The following VPS13D variants were observed in gnomAD, a reference collection of about 807,000 sequenced individuals.
The protein encoded by VPS13D is intermembrane lipid transfer protein VPS13D.
VPS13D carries 187 observed loss-of-function variants against 461.9 expected under a neutral mutation model. That is an observed-to-expected ratio of 0.40 (90% CI 0.36 to 0.46). The LOEUF (loss-of-function observed/expected upper bound fraction) is 0.46. VPS13D is among the 20% of genes least tolerant of loss of function. The probability of loss-of-function intolerance (pLI) is 0.60; values close to 1 mark genes in which losing one functional copy is unlikely to be tolerated. For synonymous variants in VPS13D, 1,951 were observed against 1,986.3 expected, an observed-to-expected ratio of 0.98 and a Z score of 0.47; for missense variants, 4,711 against 5,364.9, an observed-to-expected ratio of 0.88 and a Z score of 3.81.
At chr1:12,508,785 A>T in intron 69 of VPS13D, 108 bp from the exon 70 acceptor site, 2 of 1,246,128 alleles carry the variant, frequency 1.6e-6, no homozygotes, top group South Asian at 1.5e-5. Flanking sequence ...TTTGACGTGT[A>T]CATCCCATCC....
chr1:12,278,179 T>A (rs1189083195), intron 19 of VPS13D, 141 bp downstream of exon 19: 7 of 883,200 alleles, frequency 7.9e-6, no homozygotes, highest in Non-Finnish European at 3.3e-6. Flanking sequence ...CAAAGAGTTT[T>A]AATAGAATGC....
intron 5 of VPS13D, among the ~76,000 whole-genome samples, chr1:12,247,388 G>A (rs1446986433): frequency 6.7e-6 from 1 of 150,152 alleles, no homozygotes; most frequent in Non-Finnish European, 1.5e-5. Flanking sequence ...TTGCACTCCA[G>A]CCTGGGCGAC....
intron 39 of VPS13D, 99 bp downstream of exon 39, chr1:12,335,926 A>G (rs542977693): frequency 3.2e-6 from 5 of 1,553,394 alleles, no homozygotes; most frequent in Non-Finnish European, 4.4e-6. Context: ...CTGCGTGGAA[A>G]AACCTACAGG....
intron 65 of VPS13D, among the ~76,000 whole-genome samples, chr1:12,419,864 T>TA (rs1317689607): frequency 6.6e-6 from 1 of 152,208 alleles, no homozygotes; most frequent in East Asian, 1.9e-4. Flanking sequence ...AGAGTATACT[T>TA]ACACAAACCT....
rs2101382979 is a variant in VPS13D, at chr1:12,282,602, C to T, written c.4603-103C>T. 3.5e-6 allele frequency: 4 copies of T among 1,132,724 alleles called. No homozygotes were observed. In the Admixed American group the frequency reaches 6.8e-5, roughly 19 times the overall value. The allele number at this position is 1,132,724 out of a possible 1,614,324, so 70.2% of individuals were successfully genotyped here. A position where few individuals can be genotyped will look rare whatever the true frequency, so the allele number is the denominator to read the frequency against. On this transcript the variant is annotated intron_variant, in intron 20 of 69. Transcript: ENST00000620676. ...ATAGTCTTTGCTATCAGGTAACTTA[C>T]AGCCTCATGTAGGAATCATGTGGCA...
At chr1:12,343,143 GATTTTATTTT>G (rs536446797) in intron 42 of VPS13D, 92 bp downstream of exon 42, 27 of 1,047,142 alleles carry the variant, frequency 2.6e-5, no homozygotes, top group Admixed American at 6.1e-5. Flanking sequence ...CCTTATAAAT[GATTTTATTTT>G]ATTTTATTTT....
intron 22 of VPS13D, among the ~76,000 whole-genome samples, chr1:12,290,673 A>G (rs1453712461): frequency 6.6e-6 from 1 of 151,674 alleles, no homozygotes; most frequent in Admixed American, 6.6e-5. Context: ...CAGTGACCCC[A>G]GATCGCGCCA....
intron 32 of VPS13D, among the ~76,000 whole-genome samples, chr1:12,320,700 T>C (rs1387264483): frequency 6.6e-6 from 1 of 152,182 alleles, no homozygotes; most frequent in African/African-American, 2.4e-5. Flanking sequence ...ATGGAGAATC[T>C]TGCTGATTGA....
In VPS13D at chr1:12,292,190, C is replaced by T. The variant is rs538469825; in HGVS notation, c.5852+1066C>T. 1.0e-3 allele frequency among the ~76,000 whole-genome samples: 134 copies of T among 128,802 alleles called. No homozygotes were observed. The Middle Eastern group carries it at 0.032, about 31-fold the overall frequency. The allele number at this position is 128,802 out of a possible 152,430, so 84.5% of individuals were successfully genotyped here. On this transcript the variant is annotated intron_variant, in intron 23 of 69. Transcript: ENST00000620676. ...AGGAGAATAGCTTGAACCTGGGGGA[C>T]GGAGGTTGCAGTGAGCCGGGATTGT...
intron 5 of VPS13D, among the ~76,000 whole-genome samples, chr1:12,245,266 T>C (rs991157264): frequency 5.3e-5 from 8 of 152,242 alleles, no homozygotes; most frequent in African/African-American, 1.9e-4. Flanking sequence ...TTACTACCTC[T>C]AGAAGTTTCT....
At position 12,276,231 on chromosome 1, in the gene VPS13D, C is replaced by T. The variant is rs200526193; in HGVS notation, c.2643C>T (p.Asp881=). 40 of 1,613,952 alleles carry T rather than the reference C, an allele frequency of 2.5e-5. No homozygotes were observed. The highest frequency in any genetic ancestry group is 1.0e-4 in the Admixed American group (6 of 59,970). Residue 881 remains aspartate, a synonymous_variant, in exon 19 of 70, where the codon GAC becomes GAT. Coordinates refer to ENST00000620676, the MANE Select transcript of VPS13D (RefSeq NM_015378.4). The surrounding 1 kb of genome is among the most constrained non-coding windows in gnomAD (Gnocchi z 4.5). ...CCGTGCTCTCAGGCAACTTACCAGA[C>T]TTAAAAATCCACATTAATGAAGATA... ...PGAVLSGNLP[D]LKIHINEDKI...
chr1:12,438,748 C>T (rs1384670381), intron 65 of VPS13D, among the ~76,000 whole-genome samples: 1 of 152,224 alleles, frequency 6.6e-6, no homozygotes, highest in Non-Finnish European at 1.5e-5. Flanking sequence ...TTAGAGCTGG[C>T]TGCCTGTGCT....
chr1:12,267,375 A>C (rs1641305024), intron 14 of VPS13D, among the ~76,000 whole-genome samples: 1 of 152,158 alleles, frequency 6.6e-6, no homozygotes, highest in South Asian at 2.1e-4. Flanking sequence ...GGGTCCCAAA[A>C]CAGAAACATC....
chr1:12,373,648 G>T (rs1644156711), intron 54 of VPS13D, 102 bp from the exon 55 acceptor site: 1 of 631,516 alleles, frequency 1.6e-6, no homozygotes, highest in Admixed American at 4.9e-5. Context: ...TTTAATAAAA[G>T]TTTTGGGCAT....
Position 12,308,605 on chromosome 1 carries a change from G to A in VPS13D, c.6614G>A (p.Cys2205Tyr), listed in dbSNP as rs1265397652. 1 of 1,613,614 alleles carries A rather than the reference G, an allele frequency of 6.2e-7. No individual in the cohort carries two copies. The highest frequency in any genetic ancestry group is 8.5e-7 in the Non-Finnish European group (1 of 1,179,924). ...GGAGGAAGCCTCTTAACCGAGCCTT[G>A]TAGGCTGAAATTGCAGGTGGAAAGG... The part of the protein sequence containing the change: ...QTGGSLLTEP[C>Y]RLKLQVERNL... The change falls in exon 27 of 70, where the codon TGT becomes TAT. Residue 2205 changes from cysteine (C) to tyrosine (Y), a missense_variant. Transcript: ENST00000620676.
chr1:12,293,807 T>A, intron 24 of VPS13D, 103 bp downstream of exon 24: 2 of 1,204,198 alleles, frequency 1.7e-6, no homozygotes, highest in Non-Finnish European at 2.3e-6. Context: ...AAGTTATCCT[T>A]GCTAATATGT....
At chr1:12,400,595 T>TA (rs1426444924) in intron 61 of VPS13D, among the ~76,000 whole-genome samples, 9 of 152,098 alleles carry the variant, frequency 5.9e-5, no homozygotes, top group African/African-American at 2.2e-4. Context: ...GAAGTCACTG[T>TA]AGGAAAGTAT....
intron 68 of VPS13D, among the ~76,000 whole-genome samples, chr1:12,503,557 G>A (rs1289585815): frequency 6.6e-6 from 1 of 152,158 alleles, no homozygotes. Context: ...ATCAATTATA[G>A]TATCTACAGC....
intron 18 of VPS13D, among the ~76,000 whole-genome samples, chr1:12,274,443 CT>C (rs935835640): frequency 1.3e-5 from 2 of 152,004 alleles, no homozygotes; most frequent in African/African-American, 4.8e-5. Flanking sequence ...ACCCAAAGTG[CT>C]GGGATTACAG....
Sources: allele counts gnomAD v4.1 joint callset (sites outside exome capture counted in the v4.1 genomes callset), GRCh38; gene constraint gnomAD v4.1.1; non-coding constraint Gnocchi (gnomAD v3.1); transcripts MANE v1.5; gene names NCBI Gene and HGNC (gene_info 2026-07-23, HGNC 2026-07-21).